SH2B2: variants seen among roughly 807,000 people sequenced by gnomAD.
SH2B2 encodes the protein SH2B adapter protein 2.
In SH2B2, 37 loss-of-function variants were observed where a neutral mutation model predicts 35.7. The observed-to-expected ratio is 1.04, with a 90% CI of 0.80 to 1.36. SH2B2 has a LOEUF of 1.36. SH2B2 is among the 40% of genes most tolerant of loss of function. The pLI is 0.00. For missense variants in SH2B2, 852 were observed against 817.7 expected (o/e 1.04, Z -0.51); for synonymous variants, 383 against 376.4 (o/e 1.02, Z -0.20).
chr7:102,299,052 C>A (rs112071764), intron 1 of SH2B2, among the ~76,000 whole-genome samples: 3,732 of 149,666 alleles, frequency 0.025, 170 homozygotes, highest in African/African-American at 0.088. Flanking sequence ...TGTGCCTGCC[C>A]CCACGCCCGG....
At position 102,321,381 on chromosome 7, in the gene SH2B2, C is replaced by T. The variant is rs1554558509; in HGVS notation, c.1650C>T (p.Leu550=). The T allele has an allele frequency of 7.2e-7, 1 of 1,390,260 alleles. No individual in the cohort carries two copies. The highest frequency in any genetic ancestry group is 9.3e-7 in the Non-Finnish European group (1 of 1,072,322). The allele number at this position is 1,390,260 out of a possible 1,614,324, so 86.1% of individuals were successfully genotyped here. The stretch of plus-strand genomic sequence containing the variant: ...CCGGCCAGCACTACTTCTCCAGCCT[C>T]GCCGCGGCCGCCTGCCCGCCTGCCT... ...DSPGQHYFSS[L]AAAACPPASP... The change falls in exon 9 of 9, where the codon CTC becomes CTT. Residue 550 remains leucine, a synonymous_variant. Coordinates refer to ENST00000444095, the MANE Select transcript of SH2B2 (RefSeq NM_001359228.2).
intron 2 of SH2B2, among the ~76,000 whole-genome samples, chr7:102,303,405 ACT>A (rs1793272781): frequency 6.6e-6 from 1 of 151,662 alleles, no homozygotes; most frequent in East Asian, 2.0e-4. Flanking sequence ...ATCAGGGCCC[ACT>A]CTGTCCCTGG....
chr7:102,310,049 T>C (rs1458259274), intron 4 of SH2B2, among the ~76,000 whole-genome samples: 1 of 152,058 alleles, frequency 6.6e-6, no homozygotes, highest in African/African-American at 2.4e-5. Context: ...GGCACAGTGG[T>C]TCATGCCCAT....
At chr7:102,289,355 G>C (rs1370814270) in intron 1 of SH2B2, among the ~76,000 whole-genome samples, 1 of 152,150 alleles carries the variant, frequency 6.6e-6, no homozygotes, top group Non-Finnish European at 1.5e-5. Flanking sequence ...GGGTGGAGGT[G>C]GGAAGAGGAT....
Position 102,321,665 on chromosome 7 carries a change from C to G in SH2B2, c.*35C>G. On this transcript the variant is annotated 3_prime_UTR_variant, in exon 9 of 9. Transcript: ENST00000444095. ...CCGCCCGGGTGGGACACGCCAAGCTCTTCAGTGAAGACACGATGTTATTAA... is the reference window on the plus strand; with the variant it reads ...CCGCCCGGGTGGGACACGCCAAGCTGTTCAGTGAAGACACGATGTTATTAA... 1 of 1,116,646 alleles carries G rather than the reference C, an allele frequency of 9.0e-7. No homozygotes were observed. The highest frequency in any genetic ancestry group is 1.1e-6 in the Non-Finnish European group (1 of 912,374). The allele number at this position is 1,116,646 out of a possible 1,614,324, so 69.2% of individuals were successfully genotyped here. A position where few individuals can be genotyped will look rare whatever the true frequency, so the allele number is the denominator to read the frequency against.
At chr7:102,301,634 C>T (rs782356820) in intron 2 of SH2B2, among the ~76,000 whole-genome samples, 10 of 151,636 alleles carry the variant, frequency 6.6e-5, no homozygotes, top group Non-Finnish European at 1.5e-4. Context: ...TGCAGTGGTA[C>T]GATCTCGGCT....
At chr7:102,303,715 G>T (rs1163574366) in intron 2 of SH2B2, among the ~76,000 whole-genome samples, 1 of 152,208 alleles carries the variant, frequency 6.6e-6, no homozygotes. Context: ...CCCAGTGACG[G>T]GTGGGGTGGG....
intron 6 of SH2B2, among the ~76,000 whole-genome samples, chr7:102,315,990 A>G (rs1262892728): frequency 6.6e-6 from 1 of 151,938 alleles, no homozygotes; most frequent in African/African-American, 2.4e-5. Flanking sequence ...CAACTCTAAA[A>G]TTATTCCAGC....
chr7:102,289,631 G>T (rs529291408), intron 1 of SH2B2, among the ~76,000 whole-genome samples: 22 of 152,274 alleles, frequency 1.4e-4, no homozygotes, highest in African/African-American at 4.8e-4. Context: ...TCAGATCTTA[G>T]GGGTGCCACC....
rs182754377 is a variant in SH2B2 at position 102,304,981 on chromosome 7, G to A, written c.730-1740G>A. ...GGAATCTCACTCAGGCCAGCCCCAA[G>A]GGGGCCTCAGGCTCACGGCAGGGAG... On this transcript the variant is annotated intron_variant, in intron 2 of 8. Transcript: ENST00000444095. Among the ~76,000 whole-genome samples, 859 of 152,364 alleles carry A rather than the reference G, an allele frequency of 5.6e-3. 8 individuals are homozygous for A. The highest frequency in any genetic ancestry group is 0.019 in the African/African-American group (811 of 41,598).
chr7:102,320,247 T>A, intron 7 of SH2B2, 84 bp from the exon 8 acceptor site: 9 of 1,163,730 alleles, frequency 7.7e-6, no homozygotes, highest in Non-Finnish European at 1.1e-5. Context: ...CTGTGAGCCT[T>A]GGTCCTTCCA....
At chr7:102,308,535 AG>A (rs201804957) in intron 3 of SH2B2, among the ~76,000 whole-genome samples, 1,895 of 152,298 alleles carry the variant, frequency 0.012, 41 homozygotes, top group African/African-American at 0.043. Context: ...GCCTCCTCAG[AG>A]GCTGTGTCTC....
chr7:102,309,803 C>A (rs1793548135), intron 4 of SH2B2, among the ~76,000 whole-genome samples: 1 of 152,090 alleles, frequency 6.6e-6, no homozygotes, highest in Non-Finnish European at 1.5e-5. Context: ...CAATGCCAGG[C>A]AGAGGAAGAT....
At position 102,293,726 on chromosome 7, in the gene SH2B2, A is replaced by G. The variant is rs576940683; in HGVS notation, c.-30+6632A>G. On this transcript the variant is annotated intron_variant, in intron 1 of 8. Coordinates refer to ENST00000444095, the MANE Select transcript of SH2B2 (RefSeq NM_001359228.2). ...CAATGGAATGACAGCCCAGTCTTCA[A>G]TGTCCAAGGCCATCACTTCTGCATC... 2.4e-3 allele frequency among the ~76,000 whole-genome samples: 369 copies of G among 152,154 alleles called. 5 individuals carry two copies. The South Asian group carries it at 0.036, about 15-fold the overall frequency.
chr7:102,304,034 C>A (rs1237734046), intron 2 of SH2B2, among the ~76,000 whole-genome samples: 1 of 152,100 alleles, frequency 6.6e-6, no homozygotes, highest in Non-Finnish European at 1.5e-5. Context: ...CAGCTCCTAC[C>A]ATGCTAAGAA....
At chr7:102,304,620 G>C (rs531318328) in intron 2 of SH2B2, among the ~76,000 whole-genome samples, 5 of 152,356 alleles carry the variant, frequency 3.3e-5, no homozygotes, top group African/African-American at 1.2e-4. Flanking sequence ...GGCACAGTGC[G>C]TTGTGGCTGG....
At chr7:102,320,946 C>G (rs1025447028) in intron 8 of SH2B2, among the ~76,000 whole-genome samples, 2 of 151,630 alleles carry the variant, frequency 1.3e-5, no homozygotes, top group African/African-American at 4.9e-5. Context: ...TGTGCATGTG[C>G]CCGTGTGCGT....
At chr7:102,303,204 C>T (rs538477458) in intron 2 of SH2B2, among the ~76,000 whole-genome samples, 6 of 149,616 alleles carry the variant, frequency 4.0e-5, no homozygotes, top group Admixed American at 2.7e-4. Flanking sequence ...GCAGCAAGAG[C>T]GAAACTCTGT....
intron 8 of SH2B2, among the ~76,000 whole-genome samples, chr7:102,320,965 G>A (rs1003177693): frequency 1.3e-5 from 2 of 152,072 alleles, no homozygotes; most frequent in Admixed American, 6.6e-5. Flanking sequence ...GTACGCTTAC[G>A]TGTGCGTGTG....
Sources: allele counts gnomAD v4.1 joint callset (sites outside exome capture counted in the v4.1 genomes callset), GRCh38; gene constraint gnomAD v4.1.1; transcripts MANE v1.5; gene names NCBI Gene and HGNC (gene_info 2026-07-23, HGNC 2026-07-21).